Variants in SLC12A3 observed in about 807,000 individuals in gnomAD.
The protein encoded by SLC12A3 is Na-Cl cotransporter.
In SLC12A3, 104 loss-of-function variants were observed where a neutral mutation model predicts 121.0. The observed-to-expected ratio is 0.86, with a 90% CI of 0.73 to 1.01. SLC12A3 has a LOEUF of 1.01. Ranked by LOEUF, SLC12A3 falls within the 50% of genes least tolerant of loss-of-function variation. The pLI is 0.00. For missense variants in SLC12A3, 1,328 were observed against 1,356.3 expected (o/e 0.98, Z 0.33); for synonymous variants, 536 against 533.4 (o/e 1.00, Z -0.07).
intron 25 of SLC12A3, among the ~76,000 whole-genome samples, chr16:56,905,411 C>A (rs1440112263): frequency 2.0e-5 from 3 of 148,442 alleles, no homozygotes; most frequent in East Asian, 2.0e-4. Context: ...GCTCAGGGGA[C>A]AAGGGGTCTT....
intron 25 of SLC12A3, among the ~76,000 whole-genome samples, chr16:56,909,101 TA>T (rs2055649086): frequency 6.6e-6 from 1 of 152,210 alleles, no homozygotes; most frequent in South Asian, 2.1e-4. Flanking sequence ...GCTGTGATTC[TA>T]AGTTTATTTG....
intron 21 of SLC12A3, among the ~76,000 whole-genome samples, chr16:56,893,964 AT>A (rs372341887): frequency 0.016 from 2,183 of 136,118 alleles, 32 homozygotes; most frequent in East Asian, 0.052. Context: ...TTTTATTTTT[AT>A]TTTTATTTTA....
At chr16:56,897,877 A>G (rs915640276) in intron 22 of SLC12A3, among the ~76,000 whole-genome samples, 1 of 152,070 alleles carries the variant, frequency 6.6e-6, no homozygotes, top group Non-Finnish European at 1.5e-5. Context: ...CTCCGCTGCT[A>G]CTGCACACCA....
At chr16:56,907,553 G>T (rs1206221615) in intron 25 of SLC12A3, among the ~76,000 whole-genome samples, 1 of 152,148 alleles carries the variant, frequency 6.6e-6, no homozygotes, top group African/African-American at 2.4e-5. Context: ...CCATAGACTG[G>T]GCTTATCAAT....
intron 15 of SLC12A3, 40 bp from the exon 16 acceptor site, chr16:56,886,324 C>G: frequency 6.6e-7 from 1 of 1,508,464 alleles, no homozygotes; most frequent in Non-Finnish European, 9.2e-7. Context: ...CCCGTGGGCT[C>G]TCTCCTGATG....
Position 56,878,069 on chromosome 16 carries a change from TCCTTCAGGA to T in SLC12A3, c.1096-5_1099del, listed in dbSNP as rs1596905103. ...CTCCCTCCCTCCCTCTCTCCCTCCC[TCCTTCAGGA>T]CCCTGCTATAGCCATCCCCAAGGGG... On this transcript the variant is annotated splice_acceptor_variant and splice_polypyrimidine_tract_variant and coding_sequence_variant and intron_variant, in exon 9 of 26. Transcript: ENST00000563236. LOFTEE classifies it high-confidence loss of function. 2 of 578,540 alleles carry T rather than the reference TCCTTCAGGA, an allele frequency of 3.5e-6. No homozygotes were observed. The highest frequency in any genetic ancestry group is 3.1e-5 in the African/African-American group (1 of 32,344). 35.8% of individuals were successfully genotyped at this position (578,540 alleles called of 1,614,324 possible). A position where few individuals can be genotyped will look rare whatever the true frequency, so the allele number is the denominator to read the frequency against.
At position 56,882,518 on chromosome 16, in the gene SLC12A3, C is replaced by A. The variant is rs13306670; in HGVS notation, c.1669+21C>A. On this transcript the variant is annotated intron_variant, in intron 13 of 25. Coordinates refer to ENST00000563236, the MANE Select transcript of SLC12A3 (RefSeq NM_001126108.2). ...GCCTGGTAAGCAAACCCTTCACCCA[C>A]CTCAGGAGGAGGCACCCAGGGGGCA... is the stretch of plus-strand genomic sequence containing the variant. 27 of 1,592,514 alleles carry A rather than the reference C, an allele frequency of 1.7e-5. No homozygotes were observed. The East Asian group carries it at 6.0e-4, about 36-fold the overall frequency.
chr16:56,888,701 G>A (rs2055351570), intron 18 of SLC12A3, among the ~76,000 whole-genome samples: 1 of 151,862 alleles, frequency 6.6e-6, no homozygotes, highest in African/African-American at 2.4e-5. Context: ...TGGGACTACA[G>A]GCGCCCGCCA....
At chr16:56,890,015 A>G (rs972057654) in intron 18 of SLC12A3, among the ~76,000 whole-genome samples, 14 of 152,320 alleles carry the variant, frequency 9.2e-5, no homozygotes, top group Middle Eastern at 3.4e-3. Context: ...CAAATGTATC[A>G]GGAGGACAGG....
At position 56,882,409 on chromosome 16, in the gene SLC12A3, C is replaced by T. The variant is rs1168755669; in HGVS notation, c.1581C>T (p.Thr527=). The stretch of plus-strand genomic sequence containing the variant: ...GGGTCCCCGAAGCTGAGCTCAACAC[C>T]ATAGCCCCCATCATTTCCAACTTCT... ...VAFIIIAELN[T]IAPIISNFFL... Residue 527 remains threonine, a synonymous_variant, in exon 13 of 26, where the codon ACC becomes ACT. Coordinates refer to ENST00000563236, the MANE Select transcript of SLC12A3 (RefSeq NM_001126108.2). 2 of 1,613,934 alleles carry T rather than the reference C, an allele frequency of 1.2e-6. No individual in the cohort carries two copies. The highest frequency in any genetic ancestry group is 1.7e-6 in the Non-Finnish European group (2 of 1,179,928).
chr16:56,890,843 A>T (rs1189427419), intron 19 of SLC12A3, among the ~76,000 whole-genome samples: 1 of 151,416 alleles, frequency 6.6e-6, no homozygotes, highest in Non-Finnish European at 1.5e-5. Flanking sequence ...TGGATGTTGC[A>T]GTGAGCCAAG....
chr16:56,872,594 G>C, intron 7 of SLC12A3, 62 bp from the exon 8 acceptor site: 1 of 1,613,014 alleles, frequency 6.2e-7, no homozygotes, highest in Non-Finnish European at 8.5e-7. Flanking sequence ...TGCCCAGTGG[G>C]TCCCAGCAAG....
chr16:56,884,463 C>T (rs1474740894), intron 14 of SLC12A3, among the ~76,000 whole-genome samples: 1 of 152,250 alleles, frequency 6.6e-6, no homozygotes, highest in Non-Finnish European at 1.5e-5. Flanking sequence ...CCTGAGTGAG[C>T]TTCCAGGGCC....
At chr16:56,911,724 T>C (rs2055688841) in intron 25 of SLC12A3, among the ~76,000 whole-genome samples, 1 of 152,164 alleles carries the variant, frequency 6.6e-6, no homozygotes, top group Non-Finnish European at 1.5e-5. Context: ...GTTACCCTTC[T>C]CAGAGGAGGT....
chr16:56,884,222 G>C lies in SLC12A3; in HGVS notation c.1825+18G>C. On this transcript the variant is annotated intron_variant, in intron 14 of 25. Coordinates refer to ENST00000563236, the MANE Select transcript of SLC12A3 (RefSeq NM_001126108.2). ...GAAGCCAGGTGCGCATCTCAGCTGC[G>C]GGGCCTCGGCCCTCCTCCCCCAGGG... 2 of 1,613,512 alleles carry C rather than the reference G, an allele frequency of 1.2e-6. No homozygotes were observed. Among genetic ancestry groups the C allele is most frequent in the Non-Finnish European group, 1.7e-6 (2 of 1,179,816 alleles).
At chr16:56,874,475 G>A (rs1002474645) in intron 8 of SLC12A3, among the ~76,000 whole-genome samples, 6 of 152,168 alleles carry the variant, frequency 3.9e-5, no homozygotes, top group African/African-American at 1.4e-4. Context: ...TTTGGAAGGC[G>A]CTCCTTGATG....
chr16:56,866,625 G>A (rs1234007175), intron 1 of SLC12A3, among the ~76,000 whole-genome samples: 7 of 152,240 alleles, frequency 4.6e-5, no homozygotes, highest in Non-Finnish European at 7.4e-5. Context: ...GGGAGGAGGT[G>A]TTATGAGCAG....
intron 17 of SLC12A3, 30 bp downstream of exon 17, chr16:56,887,123 A>T: frequency 6.2e-7 from 1 of 1,613,554 alleles, no homozygotes; most frequent in Non-Finnish European, 8.5e-7. Flanking sequence ...CCCCTACAGG[A>T]CTTACGGCTT....
intron 18 of SLC12A3, 34 bp from the exon 19 acceptor site, chr16:56,890,240 G>C: frequency 6.3e-7 from 1 of 1,576,502 alleles, no homozygotes; most frequent in Non-Finnish European, 8.7e-7. Flanking sequence ...TGGGAGCTGG[G>C]GGAGAAGCTG....
Sources: gnomAD v4.1 joint callset for allele counts (sites outside exome capture counted in the v4.1 genomes callset) on GRCh38, gnomAD v4.1.1 for gene constraint, MANE v1.5 for transcripts, NCBI Gene and HGNC (gene_info 2026-07-23, HGNC 2026-07-21) for gene names.